The following DNAH12 variants were observed in gnomAD, a reference collection of about 807,000 sequenced individuals.
DNAH12 encodes the protein axonemal beta dynein heavy chain 12.
A neutral mutation model predicts 371.5 loss-of-function variants in DNAH12; 285 were observed. The observed-to-expected ratio is 0.77, with a 90% CI of 0.70 to 0.85. The LOEUF is 0.85. Among genes scored for constraint, DNAH12 ranks in the 40% least tolerant of loss-of-function variants. The pLI, the probability that DNAH12 is intolerant of heterozygous loss-of-function variation, is 0.00. For synonymous variants in DNAH12, 1,200 were observed against 1,213.0 expected (o/e 0.99, Z 0.22); for missense variants, 3,611 against 3,689.4 (o/e 0.98, Z 0.55).
At chr3:57,299,391 TGAA>T (rs1179796410) in intron 70 of DNAH12, among the ~76,000 whole-genome samples, 1 of 152,068 alleles carries the variant, frequency 6.6e-6, no homozygotes, top group South Asian at 2.1e-4. Context: ...ATTTTACAGA[TGAA>T]GAAACTGGGG....
At chr3:57,476,243 TA>T (rs937605405) in intron 13 of DNAH12, among the ~76,000 whole-genome samples, 4 of 151,062 alleles carry the variant, frequency 2.6e-5, no homozygotes, top group East Asian at 3.9e-4. Context: ...TGTATAACTA[TA>T]AAAAAAAACA....
At chr3:57,393,191 A>G (rs2063661468) in intron 44 of DNAH12, among the ~76,000 whole-genome samples, 1 of 152,224 alleles carries the variant, frequency 6.6e-6, no homozygotes, top group African/African-American at 2.4e-5. Context: ...AGAAAAGCAG[A>G]GTACTTGAAA....
chr3:57,477,243 A>G (rs560006574), intron 13 of DNAH12, among the ~76,000 whole-genome samples: 26 of 152,294 alleles, frequency 1.7e-4, no homozygotes, highest in Non-Finnish European at 3.4e-4. Flanking sequence ...GCGCTTTTCC[A>G]ACGGGTTTAG....
intron 11 of DNAH12, among the ~76,000 whole-genome samples, chr3:57,491,099 A>AAAAACAAC (rs56259991): frequency 4.4e-5 from 5 of 112,790 alleles, no homozygotes; most frequent in African/African-American, 1.4e-4. Context: ...AAAAAAAAAA[A>AAAAACAAC]AACAACAAAT....
At chr3:57,508,688 A>T (rs755218841) in intron 6 of DNAH12, 148 bp from the exon 7 acceptor site, 46 of 813,636 alleles carry the variant, frequency 5.7e-5, no homozygotes, top group Admixed American at 5.3e-4. Context: ...GAACCTTAAG[A>T]TATATGCATT....
chr3:57,409,301 C>T (rs1418365318), intron 39 of DNAH12, among the ~76,000 whole-genome samples: 2 of 152,074 alleles, frequency 1.3e-5, no homozygotes, highest in Non-Finnish European at 2.9e-5. Flanking sequence ...TCTATCTAGC[C>T]AGTCCTTAGA....
rs1438864180 is a variant in DNAH12, at chr3:57,508,389, C to T, written c.694G>A (p.Gly232Arg). ...FADTVLLDFTGIRAKGPIDCE... is the reference protein window; with the variant it reads ...FADTVLLDFTRIRAKGPIDCE... ...AATTAAACGGGATTTTACCTAATTC[C>T]TGTGAAGTCCAACAAAACTGTATCA... The change falls in exon 7 of 74, where the codon GGA (glycine) becomes AGA (arginine). Residue 232 changes from glycine (G) to arginine (R), a missense_variant. Physicochemically the swap from Gly to Arg is moderately radical, Grantham distance 125 (BLOSUM62 -2). Around this residue, in one of 3 missense-constraint regions of DNAH12, gnomAD observed 1,314 missense variants for 1,398.7 expected, o/e 0.94. Transcript: ENST00000495027. 6.2e-6 allele frequency: 10 copies of T among 1,601,210 alleles called. No individual in the cohort carries two copies. Among genetic ancestry groups the T allele is most frequent in the South Asian group, 1.1e-5 (1 of 88,250 alleles).
At chr3:57,422,998 G>A (rs1220435816) in intron 35 of DNAH12, among the ~76,000 whole-genome samples, 2 of 152,140 alleles carry the variant, frequency 1.3e-5, no homozygotes, top group African/African-American at 4.8e-5. Context: ...AAAAGAGTGT[G>A]TGCATAAAAT....
In DNAH12 at chr3:57,405,728, A is replaced by G. The variant is rs1553680935; in HGVS notation, c.6501T>C (p.Thr2167=). The change falls in exon 41 of 74, where the codon ACT becomes ACC. Residue 2167 remains threonine (T), a synonymous_variant. Coordinates refer to ENST00000495027, the MANE Select transcript of DNAH12 (RefSeq NM_001366028.2). ...TAAAATGGTCCTTTATAACAGTTTT[A>G]GTTAACTGGAACAGCCATCTTCGAT... is the stretch of plus-strand genomic sequence containing the variant. ...DDDRRWLFQL[T]KTVIKDHFKE... The G allele has an allele frequency of 6.4e-7, 1 of 1,551,710 alleles. No homozygotes were observed. The highest frequency in any genetic ancestry group is 1.7e-4 in the Middle Eastern group (1 of 5,992).
At chr3:57,325,553 C>T (rs2061922717) in intron 62 of DNAH12, among the ~76,000 whole-genome samples, 1 of 152,218 alleles carries the variant, frequency 6.6e-6, no homozygotes, top group South Asian at 2.1e-4. Flanking sequence ...AGGACATCCA[C>T]ACCAAAAACC....
intron 12 of DNAH12, 48 bp from the exon 13 acceptor site, chr3:57,483,559 T>A (rs1374019444): frequency 1.3e-6 from 2 of 1,482,454 alleles, no homozygotes; most frequent in Admixed American, 2.5e-5. Flanking sequence ...TAATGTTATA[T>A]CATATTCAAT....
chr3:57,389,088 T>C (rs1332610426), intron 45 of DNAH12, among the ~76,000 whole-genome samples: 2 of 152,132 alleles, frequency 1.3e-5, no homozygotes, highest in Non-Finnish European at 2.9e-5. Context: ...CTCTTTCTCT[T>C]CCCCCACCTT....
intron 17 of DNAH12, among the ~76,000 whole-genome samples, chr3:57,468,061 A>C (rs1325722999): frequency 7.9e-5 from 12 of 152,136 alleles, no homozygotes; most frequent in Non-Finnish European, 2.9e-5. Context: ...AAATTTTAGC[A>C]TTTGCAAAAT....
rs1046944077 is a variant in DNAH12, at chr3:57,458,053, A to G, written c.3053+46T>C. Reference sequence around the variant, plus strand: ...AAGTTTTAGTTATAATTCATCACACATAAGAAAATGTTTTTAATTACAGCA... The same window carrying G: ...AAGTTTTAGTTATAATTCATCACACGTAAGAAAATGTTTTTAATTACAGCA... On this transcript the variant is annotated intron_variant, in intron 21 of 73. Coordinates refer to ENST00000495027, the MANE Select transcript of DNAH12 (RefSeq NM_001366028.2). 6.5e-6 allele frequency: 10 copies of G among 1,536,834 alleles called. No individual in the cohort carries two copies. In the African/African-American group the frequency reaches 1.3e-4, roughly 19 times the overall value.
At chr3:57,452,623 G>A (rs1288648885) in intron 25 of DNAH12, among the ~76,000 whole-genome samples, 2 of 152,006 alleles carry the variant, frequency 1.3e-5, no homozygotes, top group East Asian at 1.9e-4. Context: ...ATCCCCCATC[G>A]GAGTGACTCA....
At chr3:57,303,802 T>C (rs2061412870) in intron 69 of DNAH12, among the ~76,000 whole-genome samples, 1 of 152,172 alleles carries the variant, frequency 6.6e-6, no homozygotes, top group Non-Finnish European at 1.5e-5. Flanking sequence ...GGATGGTTGC[T>C]GTCAGGACTC....
At chr3:57,344,663 A>G (rs1214378494) in intron 60 of DNAH12, among the ~76,000 whole-genome samples, 1 of 152,210 alleles carries the variant, frequency 6.6e-6, no homozygotes, top group East Asian at 1.9e-4. Context: ...ACTGAATGAC[A>G]TTATGTTCAG....
At chr3:57,446,738 A>G in intron 25 of DNAH12, 49 bp from the exon 26 acceptor site, 1 of 1,399,074 alleles carries the variant, frequency 7.1e-7, no homozygotes, top group Non-Finnish European at 9.4e-7. Context: ...AAATTTAAAA[A>G]AACAACAGAC....
intron 45 of DNAH12, 46 bp downstream of exon 45, chr3:57,391,826 C>T (rs1182725434): frequency 6.6e-5 from 10 of 152,196 alleles, no homozygotes; most frequent in African/African-American, 2.4e-4. Flanking sequence ...AGTAAAATTC[C>T]AAAAGAGTTA....
Sources: allele counts gnomAD v4.1 joint callset (sites outside exome capture counted in the v4.1 genomes callset), GRCh38; gene constraint gnomAD v4.1.1; regional missense constraint gnomAD v4.1.1; transcripts MANE v1.5; gene names NCBI Gene and HGNC (gene_info 2026-07-23, HGNC 2026-07-21).